Variants in CELF4 observed in about 807,000 individuals in gnomAD.
The protein encoded by CELF4 is CUG-BP- and ETR-3-like factor 4.
CELF4 carries 18 observed loss-of-function variants against 59.9 expected under a neutral mutation model. The observed-to-expected ratio is 0.30, with a 90% confidence interval of 0.21 to 0.45. The LOEUF is 0.45. CELF4 is among the 20% of genes least tolerant of loss of function. The pLI is 1.00. For synonymous variants in CELF4, 261 were observed against 267.1 expected (o/e 0.98, Z 0.22); for missense variants, 456 against 689.0 (o/e 0.66, Z 3.79).
intron 2 of CELF4, among the ~76,000 whole-genome samples, chr18:37,351,463 C>T (rs1428099241): frequency 6.6e-6 from 1 of 152,124 alleles, no homozygotes; most frequent in African/African-American, 2.4e-5. Flanking sequence ...CCCAGGTTTC[C>T]CACTGGTCAT....
chr18:37,337,155 G>A (rs573770753), intron 2 of CELF4, among the ~76,000 whole-genome samples: 1 of 152,118 alleles, frequency 6.6e-6, no homozygotes, highest in African/African-American at 2.4e-5. Context: ...ACAGGCCTGC[G>A]GTGGCCCTGG....
intron 2 of CELF4, among the ~76,000 whole-genome samples, chr18:37,466,548 CA>C (rs1210204943): frequency 6.6e-6 from 1 of 152,174 alleles, no homozygotes; most frequent in Non-Finnish European, 1.5e-5. Flanking sequence ...GGGACTCCCA[CA>C]AAGTGGGTCT....
rs186390931 is a variant in CELF4, at chr18:37,511,266, C to T, written c.287-25659G>A. Among the ~76,000 whole-genome samples, 420 of 152,258 alleles carry T rather than the reference C, an allele frequency of 2.8e-3. 6 individuals are homozygous for T. The highest frequency in any genetic ancestry group is 0.021 in the Admixed American group (323 of 15,300). The stretch of plus-strand genomic sequence containing the variant: ...GCCCTCCACAGGCAGGCTCTTTGTT[C>T]GGTCAGGTGCCCACTGTGTGCTGCC... On this transcript the variant is annotated intron_variant, in intron 1 of 12. Transcript: ENST00000420428.
chr18:37,413,617 G>C (rs749836893), intron 2 of CELF4, among the ~76,000 whole-genome samples: 3 of 152,302 alleles, frequency 2.0e-5, no homozygotes, highest in African/African-American at 2.4e-5. Flanking sequence ...CCATGGACCA[G>C]TTATGGAAAA....
intron 2 of CELF4, among the ~76,000 whole-genome samples, chr18:37,366,929 CCTT>C (rs2098792564): frequency 6.6e-6 from 1 of 152,184 alleles, no homozygotes. Context: ...CTGGGTGGCC[CCTT>C]CTTGGTTTCT....
chr18:37,421,450 G>A (rs957575803), intron 2 of CELF4, among the ~76,000 whole-genome samples: 2 of 152,226 alleles, frequency 1.3e-5, no homozygotes, highest in Admixed American at 1.3e-4. Flanking sequence ...AGCTGTGGTA[G>A]GCCAGCTGAA....
At chr18:37,420,887 A>G (rs995036385) in intron 2 of CELF4, among the ~76,000 whole-genome samples, 12 of 152,120 alleles carry the variant, frequency 7.9e-5, no homozygotes, top group Admixed American at 7.9e-4. Context: ...TGAGGGACCA[A>G]ATGACCTTGC....
At position 37,254,243 on chromosome 18, in the gene CELF4, C is replaced by T. The variant is rs773802460; in HGVS notation, c.1334-305G>A. On this transcript the variant is annotated intron_variant, in intron 11 of 12. Transcript: ENST00000420428. This position sits in a 1 kb window ranked among gnomAD's most constrained non-coding sequence, Gnocchi z 5.1. Reference sequence around the variant, plus strand: ...CGGGCGGCGCTGGGAGAGGCGCCCGCCCCCCACCCCCGCCGGCCCCGGCAC... The same window carrying T: ...CGGGCGGCGCTGGGAGAGGCGCCCGTCCCCCACCCCCGCCGGCCCCGGCAC... Among the ~76,000 whole-genome samples the T allele has an allele frequency of 3.3e-5, 5 of 151,296 alleles. No individual in the cohort carries two copies. The highest frequency in any genetic ancestry group is 7.4e-5 in the Non-Finnish European group (5 of 67,614).
chr18:37,303,264 C>A (rs1169638256), intron 3 of CELF4, among the ~76,000 whole-genome samples: 2 of 152,112 alleles, frequency 1.3e-5, no homozygotes, highest in Non-Finnish European at 2.9e-5. Flanking sequence ...CTCCTCCCAC[C>A]TACCCAGGCC....
chr18:37,271,254 C>CTTTTTTTTT (rs34833771), intron 7 of CELF4, among the ~76,000 whole-genome samples: 33 of 105,558 alleles, frequency 3.1e-4, no homozygotes, highest in East Asian at 5.4e-4. Flanking sequence ...TCCTTCAGTC[C>CTTTTTTTTT]TTTTTTTTTT....
chr18:37,429,788 C>G (rs1489058986), intron 2 of CELF4, among the ~76,000 whole-genome samples: 1 of 152,152 alleles, frequency 6.6e-6, no homozygotes, highest in Non-Finnish European at 1.5e-5. Flanking sequence ...TCCTCTACAG[C>G]CTATTGAGGA....
chr18:37,373,705 C>T (rs2098931074), intron 2 of CELF4, among the ~76,000 whole-genome samples: 1 of 152,234 alleles, frequency 6.6e-6, no homozygotes, highest in Non-Finnish European at 1.5e-5. Context: ...GTTTCAGACT[C>T]TAACAGTGGG....
chr18:37,494,417 C>A (rs1462472750), intron 1 of CELF4, among the ~76,000 whole-genome samples: 2 of 152,200 alleles, frequency 1.3e-5, no homozygotes, highest in African/African-American at 2.4e-5. Context: ...AGAAGTGAAG[C>A]CTGCTCAGCT....
intron 8 of CELF4, 125 bp downstream of exon 8, chr18:37,270,643 A>G (rs1182719638): frequency 8.3e-7 from 1 of 1,205,100 alleles, no homozygotes; most frequent in African/African-American, 1.5e-5. Flanking sequence ...CTCTGATCAC[A>G]CTTGGGGTTT....
chr18:37,512,489 C>T (rs531879956), intron 1 of CELF4, among the ~76,000 whole-genome samples: 1 of 148,792 alleles, frequency 6.7e-6, no homozygotes, highest in East Asian at 2.0e-4. Context: ...GCTTCATTTT[C>T]CTCCTCTTCT....
At chr18:37,249,153 C>T (rs1454626368) in intron 12 of CELF4, among the ~76,000 whole-genome samples, 1 of 152,158 alleles carries the variant, frequency 6.6e-6, no homozygotes, top group African/African-American at 2.4e-5. Flanking sequence ...TCCCCCAGAT[C>T]AGGGACCGTC....
intron 1 of CELF4, among the ~76,000 whole-genome samples, chr18:37,549,008 G>T (rs924025349): frequency 6.6e-6 from 1 of 152,180 alleles, no homozygotes; most frequent in Non-Finnish European, 1.5e-5. Flanking sequence ...CCGAACAGAT[G>T]CGTGGAAACA....
intron 3 of CELF4, among the ~76,000 whole-genome samples, chr18:37,302,600 G>A (rs1216092767): frequency 6.6e-6 from 1 of 152,216 alleles, no homozygotes; most frequent in Non-Finnish European, 1.5e-5. Context: ...CCTGGAGGTG[G>A]GGAGGTGGAG....
intron 2 of CELF4, among the ~76,000 whole-genome samples, chr18:37,407,220 A>G (rs532966350): frequency 9.9e-5 from 15 of 152,198 alleles, no homozygotes; most frequent in Non-Finnish European, 1.9e-4. Flanking sequence ...AGTTGGGCAC[A>G]CGGGAAACTC....
Sources: gnomAD v4.1 joint callset for allele counts (sites outside exome capture counted in the v4.1 genomes callset) on GRCh38, gnomAD v4.1.1 for gene constraint, Gnocchi (gnomAD v3.1) non-coding constraint, MANE v1.5 for transcripts, NCBI Gene and HGNC (gene_info 2026-07-23, HGNC 2026-07-21) for gene names.